The following WWOX variants were observed in gnomAD, a reference collection of about 807,000 sequenced individuals.
WWOX encodes the protein WW domain-containing oxidoreductase.
A neutral mutation model predicts 46.2 loss-of-function variants in WWOX; 69 were observed. The ratio of observed to expected loss-of-function variants is 1.49; its 90% CI spans 1.23 to 1.82. The LOEUF is 1.82. WWOX is among the 40% of genes most tolerant of loss of function. The pLI is 0.00. For synonymous variants in WWOX, 359 were observed against 202.6 expected (o/e 1.77, Z -6.56); for missense variants, 919 against 542.6 (o/e 1.69, Z -6.89).
intron 5 of WWOX, among the ~76,000 whole-genome samples, chr16:78,276,164 G>T (rs916763907): frequency 6.6e-6 from 1 of 152,172 alleles, no homozygotes; most frequent in South Asian, 2.1e-4. Context: ...GTGGCCCCAG[G>T]TGGGAAGCAC....
At position 78,182,913 on chromosome 16, in the gene WWOX, T is replaced by C. The variant is rs1225511324; in HGVS notation, c.516+18624T>C. On this transcript the variant is annotated intron_variant, in intron 5 of 8. Coordinates refer to ENST00000566780, the MANE Select transcript of WWOX (RefSeq NM_016373.4). ...TTGCAGTGAGCCGAGATTGCGCCAC[T>C]GCACTTCAGCCTGGGTGACAGAGCG... Among the ~76,000 whole-genome samples the C allele has an allele frequency of 2.1e-5, 3 of 141,230 alleles. No homozygotes were observed. In the East Asian group the frequency reaches 6.2e-4, roughly 29 times the overall value. The allele number at this position is 141,230 out of a possible 152,430, so 92.7% of individuals were successfully genotyped here. A position where few individuals can be genotyped will look rare whatever the true frequency, so the allele number is the denominator to read the frequency against.
At position 78,543,154 on chromosome 16, in the gene WWOX, T is replaced by G. The variant is rs115164563; in HGVS notation, c.1056+110402T>G. ...ACAGTCCCTGAGGGACCCGGACTTATAGAGTCTGTGATCTCACAGCTGCTA... is the reference window on the plus strand; with the variant it reads ...ACAGTCCCTGAGGGACCCGGACTTAGAGAGTCTGTGATCTCACAGCTGCTA... On this transcript the variant is annotated intron_variant, in intron 8 of 8. Coordinates refer to ENST00000566780, the MANE Select transcript of WWOX (RefSeq NM_016373.4). Among the ~76,000 whole-genome samples the G allele has an allele frequency of 3.3e-5, 5 of 152,214 alleles. No individual in the cohort carries two copies. The East Asian group carries it at 9.7e-4, about 29-fold the overall frequency.
intron 5 of WWOX, among the ~76,000 whole-genome samples, chr16:78,307,978 T>G (rs950785885): frequency 6.6e-6 from 1 of 152,178 alleles, no homozygotes; most frequent in East Asian, 1.9e-4. Context: ...TGTGACACTC[T>G]GGAATGTGGC....
chr16:78,562,550 C>G (rs1045241613), intron 8 of WWOX, among the ~76,000 whole-genome samples: 1 of 152,150 alleles, frequency 6.6e-6, no homozygotes, highest in Admixed American at 6.5e-5. Context: ...AAATGTCTGC[C>G]CTTGGCATTG....
chr16:79,003,985 T>C (rs1161295965), intron 8 of WWOX, among the ~76,000 whole-genome samples: 1 of 152,192 alleles, frequency 6.6e-6, no homozygotes, highest in African/African-American at 2.4e-5. Flanking sequence ...TTCCCTGTAC[T>C]CTGCAATGCT....
intron 8 of WWOX, among the ~76,000 whole-genome samples, chr16:78,489,659 G>A (rs2084730784): frequency 1.3e-5 from 2 of 152,122 alleles, no homozygotes; most frequent in Non-Finnish European, 2.9e-5. Flanking sequence ...GCTCTCCAGG[G>A]TAAAAGAAGA....
At chr16:79,001,904 T>G (rs925642337) in intron 8 of WWOX, among the ~76,000 whole-genome samples, 1 of 152,090 alleles carries the variant, frequency 6.6e-6, no homozygotes, top group Admixed American at 6.5e-5. Context: ...TGGCTTATCT[T>G]AATTACCAGC....
chr16:78,790,487 A>C (rs2050567037), intron 8 of WWOX, among the ~76,000 whole-genome samples: 1 of 152,144 alleles, frequency 6.6e-6, no homozygotes, highest in Non-Finnish European at 1.5e-5. Flanking sequence ...CCTCTAGAAA[A>C]GTCAGAAGGT....
At chr16:78,186,096 T>C (rs1458359315) in intron 5 of WWOX, among the ~76,000 whole-genome samples, 1 of 152,198 alleles carries the variant, frequency 6.6e-6, no homozygotes, top group Non-Finnish European at 1.5e-5. Flanking sequence ...GCTGTTGATA[T>C]AAAATAACAT....
At chr16:79,197,537 G>T (rs77897473) in intron 8 of WWOX, among the ~76,000 whole-genome samples, 8,757 of 151,878 alleles carry the variant, frequency 0.058, 308 homozygotes, top group East Asian at 0.11. Flanking sequence ...GCTTTTTGTA[G>T]ACATGTCCTT....
chr16:78,153,680 C>G (rs922208442), intron 4 of WWOX, among the ~76,000 whole-genome samples: 62 of 152,048 alleles, frequency 4.1e-4, no homozygotes, highest in African/African-American at 1.5e-3. Context: ...ACATTTGTCC[C>G]CAGTGTTTCA....
intron 8 of WWOX, among the ~76,000 whole-genome samples, chr16:78,822,087 G>A (rs771475482): frequency 7.9e-5 from 12 of 152,060 alleles, no homozygotes; most frequent in Admixed American, 5.2e-4. Context: ...GCATTGGCCA[G>A]ACTGACCTAA....
chr16:78,682,504 G>T (rs942470664), intron 8 of WWOX, among the ~76,000 whole-genome samples: 1 of 152,080 alleles, frequency 6.6e-6, no homozygotes, highest in Admixed American at 6.5e-5. Flanking sequence ...GATACCACGA[G>T]CCCAGGAGTT....
chr16:78,216,433 T>C (rs1197376341), intron 5 of WWOX, among the ~76,000 whole-genome samples: 1 of 152,172 alleles, frequency 6.6e-6, no homozygotes, highest in African/African-American at 2.4e-5. Context: ...GTATTGTCTT[T>C]CAGTTCTGTA....
chr16:79,162,414 A>C (rs1267816401), intron 8 of WWOX, among the ~76,000 whole-genome samples: 1 of 152,160 alleles, frequency 6.6e-6, no homozygotes, highest in Non-Finnish European at 1.5e-5. Flanking sequence ...GCCTGATTCA[A>C]GTTAGGGGCT....
intron 8 of WWOX, among the ~76,000 whole-genome samples, chr16:78,950,033 G>A (rs4888887): frequency 1.9e-4 from 29 of 152,002 alleles, no homozygotes; most frequent in Admixed American, 5.9e-4. Flanking sequence ...CCAAGGCTGT[G>A]CAGCTCTAGG....
intron 7 of WWOX, among the ~76,000 whole-genome samples, chr16:78,426,604 G>T (rs932102164): frequency 5.9e-5 from 9 of 152,142 alleles, no homozygotes; most frequent in Non-Finnish European, 1.5e-5. Context: ...GCTTGCTCCT[G>T]TGTGATGGCT....
intron 5 of WWOX, among the ~76,000 whole-genome samples, chr16:78,303,163 A>G (rs1179779549): frequency 1.3e-5 from 2 of 152,178 alleles, no homozygotes; most frequent in Admixed American, 6.5e-5. Flanking sequence ...ACTACATTTT[A>G]TATCTTTGCC....
At chr16:78,842,148 G>A (rs1329884160) in intron 8 of WWOX, among the ~76,000 whole-genome samples, 2 of 152,172 alleles carry the variant, frequency 1.3e-5, no homozygotes, top group East Asian at 3.9e-4. Flanking sequence ...AATCCAGGAG[G>A]AGTTCATTTT....
Sources: allele counts gnomAD v4.1 joint callset (sites outside exome capture counted in the v4.1 genomes callset), GRCh38; gene constraint gnomAD v4.1.1; transcripts MANE v1.5; gene names NCBI Gene and HGNC (gene_info 2026-07-23, HGNC 2026-07-21).